The following CPNE7 variants were observed in gnomAD, a reference collection of about 807,000 sequenced individuals.
CPNE7 encodes the protein copine-7.
A neutral mutation model predicts 66.5 loss-of-function variants in CPNE7; 78 were observed. The ratio of observed to expected loss-of-function variants is 1.17; its 90% CI spans 0.98 to 1.42. The LOEUF is 1.42. Among genes scored for constraint, CPNE7 ranks in the 40% most tolerant of loss-of-function variants. The pLI is 0.00. For missense variants in CPNE7, 1,012 were observed against 776.6 expected (o/e 1.30, Z -3.60); for synonymous variants, 468 against 336.7 (o/e 1.39, Z -4.27).
chr16:89,576,156 T>C, intron 1 of CPNE7, 85 bp downstream of exon 1: 2 of 1,145,926 alleles, frequency 1.7e-6, no homozygotes, highest in Non-Finnish European at 2.2e-6. Flanking sequence ...GCGGGCGCGC[T>C]GAGGCCAGTG....
At chr16:89,589,786 A>G (rs1345536730) in intron 10 of CPNE7, 111 bp from the exon 11 acceptor site, 9 of 1,160,216 alleles carry the variant, frequency 7.8e-6, no homozygotes, top group Non-Finnish European at 1.0e-5. Flanking sequence ...CCGTGGTACC[A>G]GGCCTGGGCA....
At chr16:89,593,416 G>A (rs554090424) in intron 13 of CPNE7, among the ~76,000 whole-genome samples, 8 of 151,154 alleles carry the variant, frequency 5.3e-5, no homozygotes, top group African/African-American at 1.7e-4. Context: ...GCAGTGGCGC[G>A]ATCTTGGTTC....
intron 9 of CPNE7, among the ~76,000 whole-genome samples, chr16:89,588,132 G>C (rs62068678): frequency 1.2e-4 from 7 of 58,606 alleles, no homozygotes; most frequent in African/African-American, 3.0e-4. Flanking sequence ...CGTGTCACCC[G>C]CGTGTCACCC....
intron 13 of CPNE7, among the ~76,000 whole-genome samples, chr16:89,594,831 T>G (rs2059228597): frequency 1.3e-5 from 2 of 151,794 alleles, no homozygotes; most frequent in South Asian, 4.2e-4. Flanking sequence ...TTTGTATTTT[T>G]AGTAGAGATG....
At chr16:89,583,636 G>T (rs1215627714) in intron 2 of CPNE7, 61 bp from the exon 3 acceptor site, 13 of 1,609,364 alleles carry the variant, frequency 8.1e-6, no homozygotes, top group Non-Finnish European at 1.1e-5. Flanking sequence ...GCGCGGTGGG[G>T]TCTCCAGGGT....
chr16:89,593,493 C>T (rs1444928140), intron 13 of CPNE7, among the ~76,000 whole-genome samples: 4 of 151,944 alleles, frequency 2.6e-5, no homozygotes, highest in African/African-American at 9.7e-5. Context: ...GCTGGGACTA[C>T]AGGCGCCCGC....
chr16:89,595,527 G>A lies in CPNE7; in HGVS notation c.1463G>A (p.Gly488Asp), dbSNP rs1433535606. Reference sequence around the variant, plus strand: ...ATGCAGGTCCTGGACGGCGACGACGGCGTCCTGCGCTCCCCACGGGGTGAG... The same window carrying A: ...ATGCAGGTCCTGGACGGCGACGACGACGTCCTGCGCTCCCCACGGGGTGAG... ...TDMQVLDGDD[G>D]VLRSPRGEPA... The change falls in exon 14 of 15, where the codon GGC becomes GAC. Residue 488 changes from glycine (G) to aspartate (D), a missense_variant. Physicochemically the swap from Gly to Asp is moderately conservative, Grantham distance 94. Transcript: ENST00000319518. 6.2e-7 allele frequency: 1 copy of A among 1,612,584 alleles called. No individual in the cohort carries two copies. The highest frequency in any genetic ancestry group is 8.5e-7 in the Non-Finnish European group (1 of 1,179,866).
chr16:89,589,769 C>T, intron 10 of CPNE7, 128 bp from the exon 11 acceptor site: 3 of 940,330 alleles, frequency 3.2e-6, no homozygotes, highest in Non-Finnish European at 4.9e-6. Context: ...CTGGCAGGTG[C>T]TTACTGCCGT....
At position 89,585,769 on chromosome 16, in the gene CPNE7, C is replaced by A; in HGVS notation, c.764C>A (p.Ala255Asp). ...ACCACCTTCGAGGAGATGCAGAAGG[C>A]CTTTGAGGAGGGGCAGGTGAGCAGG... Reference protein sequence around the residue: ...FSTTFEEMQKAFEEGQAQWDC... With the variant: ...FSTTFEEMQKDFEEGQAQWDC... Residue 255 changes from alanine to aspartate, a missense_variant, in exon 7 of 15, where the codon GCC (alanine) becomes GAC (aspartate). Transcript: ENST00000319518. 1 of 1,398,584 alleles carries A rather than the reference C, an allele frequency of 7.2e-7. No homozygotes were observed. The highest frequency in any genetic ancestry group is 3.5e-5 in the East Asian group (1 of 28,660). 86.6% of individuals were successfully genotyped at this position (1,398,584 alleles called of 1,614,324 possible). A position where few individuals can be genotyped will look rare whatever the true frequency, so the allele number is the denominator to read the frequency against.
In CPNE7 at chr16:89,588,169, G is replaced by GATACACGGCCCCCGTGTCACCCC. The variant is rs2059110192; in HGVS notation, c.928-506_928-505insATACACGGCCCCCGTGTCACCCC. Reference sequence around the variant, plus strand: ...CAGATACACGGCCCCCGTGTCACCCGCGTGTCACCCACAGATACACGGCCC... The same window carrying GATACACGGCCCCCGTGTCACCCC: ...CAGATACACGGCCCCCGTGTCACCCGATACACGGCCCCCGTGTCACCCCCGTGTCACCCACAGATACACGGCCC... On this transcript the variant is annotated intron_variant, in intron 9 of 14. Coordinates refer to ENST00000319518, the MANE Select transcript of CPNE7 (RefSeq NM_153636.3). 7.3e-5 allele frequency among the ~76,000 whole-genome samples: 4 copies of GATACACGGCCCCCGTGTCACCCC among 54,824 alleles called. 2 individuals carry two copies. In the South Asian group the frequency reaches 4.4e-3, roughly 60 times the overall value. 36.0% of individuals were successfully genotyped at this position (54,824 alleles called of 152,430 possible).
chr16:89,581,355 C>T (rs544353513), intron 2 of CPNE7, among the ~76,000 whole-genome samples: 1 of 152,286 alleles, frequency 6.6e-6, no homozygotes, highest in South Asian at 2.1e-4. Context: ...CATCCCGTCA[C>T]CCATCACACG....
chr16:89,588,212 C>CACCCACAGAAACACGGCCCCCGTGTT (rs2059112978), intron 9 of CPNE7, among the ~76,000 whole-genome samples: 1 of 144,146 alleles, frequency 6.9e-6, no homozygotes. Flanking sequence ...ACCCGCGTGT[C>CACCCACAGAAACACGGCCCCCGTGTT]ACCCACAGAT....
In CPNE7 at chr16:89,591,197, G is replaced by T; in HGVS notation, c.1239G>T (p.Val413=). Residue 413 remains valine, a synonymous_variant, in exon 13 of 15, where the codon GTG becomes GTT. Coordinates refer to ENST00000319518, the MANE Select transcript of CPNE7 (RefSeq NM_153636.3). ...TCCAGCTCTACGGCCCCACCAACGT[G>T]GCGCCCATCATCTCCAAGGTGGCAC... The part of the protein sequence containing the change: ...PRVQLYGPTN[V]APIISKVARV... 6.3e-7 allele frequency: 1 copy of T among 1,598,466 alleles called. No homozygotes were observed. The highest frequency in any genetic ancestry group is 8.5e-7 in the Non-Finnish European group (1 of 1,172,732).
Position 89,587,092 on chromosome 16 carries a change from T to C in CPNE7, c.917T>C (p.Ile306Thr). 1 of 1,565,144 alleles carries C rather than the reference T, an allele frequency of 6.4e-7. No individual in the cohort carries two copies. Among genetic ancestry groups the C allele is most frequent in the Non-Finnish European group, 8.7e-7 (1 of 1,155,942 alleles). Reference protein sequence around the residue: ...FLDYIMGGCQIHFTVAIDFTA... With the variant: ...FLDYIMGGCQTHFTVAIDFTA... Reference sequence around the variant, plus strand: ...GACTATATCATGGGCGGCTGCCAGATCCACTTCACCGTGAGTCCATGGCCC... The same window carrying C: ...GACTATATCATGGGCGGCTGCCAGACCCACTTCACCGTGAGTCCATGGCCC... Residue 306 changes from isoleucine to threonine, a missense_variant, in exon 9 of 15, where the codon ATC becomes ACC. Transcript: ENST00000319518.
At position 89,590,995 on chromosome 16, in the gene CPNE7, G is replaced by T. The variant is rs1218897023; in HGVS notation, c.1117-12G>T. On this transcript the variant is annotated splice_polypyrimidine_tract_variant and intron_variant, in intron 11 of 14. Coordinates refer to ENST00000319518, the MANE Select transcript of CPNE7 (RefSeq NM_153636.3). ...AACGAGCAGCTGACTGAGCCCTCTT[G>T]TTCCCACCCAGGTGTCCCATGACTT... The T allele has an allele frequency of 6.2e-7, 1 of 1,613,606 alleles. No individual in the cohort carries two copies. Among genetic ancestry groups the T allele is most frequent in the East Asian group, 2.2e-5 (1 of 44,870 alleles).
Position 89,596,675 on chromosome 16 carries a change from G to C in CPNE7, c.*54G>C. 1 of 1,492,224 alleles carries C rather than the reference G, an allele frequency of 6.7e-7. No individual in the cohort carries two copies. The highest frequency in any genetic ancestry group is 1.4e-5 in the African/African-American group (1 of 70,770). The allele number at this position is 1,492,224 out of a possible 1,614,324, so 92.4% of individuals were successfully genotyped here. On this transcript the variant is annotated 3_prime_UTR_variant, in exon 15 of 15. Coordinates refer to ENST00000319518, the MANE Select transcript of CPNE7 (RefSeq NM_153636.3). ...TGAGGAATGGGTCCGTACAGCCTCT[G>C]TCTGCAACATGCTTGGGGTCCCTTA...
intron 2 of CPNE7, among the ~76,000 whole-genome samples, chr16:89,578,609 A>T (rs2058897899): frequency 6.6e-6 from 1 of 151,438 alleles, no homozygotes; most frequent in Non-Finnish European, 1.5e-5. Flanking sequence ...AAAGTACAAT[A>T]ATTAGCCGGG....
intron 13 of CPNE7, among the ~76,000 whole-genome samples, chr16:89,592,303 C>T (rs1352387306): frequency 6.6e-6 from 1 of 151,620 alleles, no homozygotes; most frequent in Admixed American, 6.6e-5. Flanking sequence ...TGTGAGCCGC[C>T]GCGCCCGGCC....
intron 3 of CPNE7, 56 bp downstream of exon 3, chr16:89,583,827 G>T: frequency 6.3e-7 from 1 of 1,592,104 alleles, no homozygotes; most frequent in Admixed American, 1.7e-5. Context: ...GGCTCCGAGG[G>T]GTGTTGTGGG....
Sources: allele counts gnomAD v4.1 joint callset (sites outside exome capture counted in the v4.1 genomes callset), GRCh38; gene constraint gnomAD v4.1.1; transcripts MANE v1.5; gene names NCBI Gene and HGNC (gene_info 2026-07-23, HGNC 2026-07-21).